SMAD6: variants seen among roughly 807,000 people sequenced by gnomAD.
SMAD6 encodes the protein SMAD family member 6, also known as MAD homolog 6.
In SMAD6, 103 loss-of-function variants were observed where a neutral mutation model predicts 39.4. That is an observed-to-expected ratio of 2.62 (90% CI 2.23 to 3.08). The LOEUF (loss-of-function observed/expected upper bound fraction) is 3.08. SMAD6 is among the 30% of genes most tolerant of loss of function. The pLI is 0.00. For synonymous variants in SMAD6, 445 were observed against 353.3 expected, an observed-to-expected ratio of 1.26 and a Z score of -2.91; for missense variants, 1,104 against 742.9, an observed-to-expected ratio of 1.49 and a Z score of -5.65.
chr15:66,715,167 T>C (rs1893303894), intron 2 of SMAD6, among the ~76,000 whole-genome samples: 1 of 151,962 alleles, frequency 6.6e-6, no homozygotes, highest in Non-Finnish European at 1.5e-5. Context: ...CTTCCTTGCA[T>C]TGTTGCTTTT....
At chr15:66,768,405 C>T (rs1894326645) in intron 3 of SMAD6, among the ~76,000 whole-genome samples, 1 of 152,150 alleles carries the variant, frequency 6.6e-6, no homozygotes, top group South Asian at 2.1e-4. Flanking sequence ...ATAAGAAAAC[C>T]AGCTTCTCCA....
intron 3 of SMAD6, among the ~76,000 whole-genome samples, chr15:66,742,455 G>T (rs1043081762): frequency 6.6e-6 from 1 of 152,058 alleles, no homozygotes; most frequent in Non-Finnish European, 1.5e-5. Context: ...TTCCCAGTGC[G>T]CCTGCCCTGG....
chr15:66,704,191 T>G, intron 1 of SMAD6, 116 bp downstream of exon 1: 1 of 857,420 alleles, frequency 1.2e-6, no homozygotes, highest in Non-Finnish European at 1.6e-6. Context: ...CCGGGTGCCC[T>G]TGGAGCGTGG....
At chr15:66,751,860 TCA>T (rs1894011977) in intron 3 of SMAD6, among the ~76,000 whole-genome samples, 1 of 152,208 alleles carries the variant, frequency 6.6e-6, no homozygotes, top group African/African-American at 2.4e-5. Flanking sequence ...GGAAACAGTC[TCA>T]GAGACACCAG....
chr15:66,763,981 C>T (rs947558078), intron 3 of SMAD6, among the ~76,000 whole-genome samples: 3 of 152,240 alleles, frequency 2.0e-5, no homozygotes, highest in African/African-American at 4.8e-5. Flanking sequence ...TGAGGCGCCT[C>T]GGCCATCCAC....
In SMAD6 at chr15:66,781,060, A is replaced by C. The variant is rs142278375; in HGVS notation, c.1016A>C (p.His339Pro). 1 of 1,603,436 alleles carries C rather than the reference A, an allele frequency of 6.2e-7. No homozygotes were observed. The highest frequency in any genetic ancestry group is 8.5e-7 in the Non-Finnish European group (1 of 1,178,432). The change falls in exon 4 of 4, where the codon CAC (histidine) becomes CCC (proline). Residue 339 changes from histidine to proline, a missense_variant. Transcript: ENST00000288840. ...SHWCSVAYWE[H>P]RTRVGRLYAV... is the part of the protein sequence containing the mutation. ...TGGTGCAGCGTGGCGTACTGGGAGC[A>C]CCGGACGCGCGTGGGCCGCCTCTAT...
At chr15:66,713,639 C>T (rs1229679318) in intron 2 of SMAD6, among the ~76,000 whole-genome samples, 2 of 152,162 alleles carry the variant, frequency 1.3e-5, no homozygotes, top group Non-Finnish European at 2.9e-5. Flanking sequence ...TTCTTAGTGT[C>T]GTAGACACTC....
intron 3 of SMAD6, among the ~76,000 whole-genome samples, chr15:66,750,473 G>A (rs1323480767): frequency 6.6e-6 from 1 of 152,202 alleles, no homozygotes; most frequent in African/African-American, 2.4e-5. Context: ...TGTACCTGGT[G>A]TGGGGTACAA....
intron 3 of SMAD6, among the ~76,000 whole-genome samples, chr15:66,752,987 C>T (rs1344046160): frequency 6.6e-6 from 1 of 152,166 alleles, no homozygotes; most frequent in Non-Finnish European, 1.5e-5. Flanking sequence ...TAAAGGCATA[C>T]ATGTGCTGCA....
intron 3 of SMAD6, among the ~76,000 whole-genome samples, chr15:66,731,404 C>T (rs896820378): frequency 1.6e-4 from 23 of 146,666 alleles, no homozygotes; most frequent in African/African-American, 5.4e-4. Flanking sequence ...CGCCACTGCA[C>T]TCCAGCCTGG....
At chr15:66,725,792 T>G (rs908318542) in intron 3 of SMAD6, among the ~76,000 whole-genome samples, 2 of 151,672 alleles carry the variant, frequency 1.3e-5, no homozygotes, top group African/African-American at 4.9e-5. Flanking sequence ...GGGGTTGGAG[T>G]GGGTACAGCT....
At chr15:66,753,112 G>C (rs1894036169) in intron 3 of SMAD6, among the ~76,000 whole-genome samples, 1 of 152,216 alleles carries the variant, frequency 6.6e-6, no homozygotes, top group South Asian at 2.1e-4. Context: ...GAGGAGGCTT[G>C]TTTGGGGTCT....
chr15:66,780,506 T>TA (rs1894539193), intron 3 of SMAD6, among the ~76,000 whole-genome samples: 1 of 152,186 alleles, frequency 6.6e-6, no homozygotes, highest in Non-Finnish European at 1.5e-5. Flanking sequence ...TGCCCTCCTC[T>TA]GTAGAACGAG....
chr15:66,749,552 A>ACAT (rs1893964121), intron 3 of SMAD6, among the ~76,000 whole-genome samples: 1 of 152,180 alleles, frequency 6.6e-6, no homozygotes, highest in Non-Finnish European at 1.5e-5. Flanking sequence ...GGAAGGTTGG[A>ACAT]GGCTGCAGTG....
At position 66,703,988 on chromosome 15, in the gene SMAD6, C is replaced by T. The variant is rs1042398681; in HGVS notation, c.730C>T (p.Leu244=). 13 of 1,482,914 alleles carry T rather than the reference C, an allele frequency of 8.8e-6. No individual in the cohort carries two copies. Among genetic ancestry groups the T allele is most frequent in the East Asian group, 5.9e-5 (2 of 34,012 alleles). 91.9% of individuals were successfully genotyped at this position (1,482,914 alleles called of 1,614,324 possible). The stretch of plus-strand genomic sequence containing the variant: ...GCAGCACGCCGTGGAGCTGAAGCCC[C>T]TGTGCGGCTGCCACAGCTTCGCCGC... ...DLQHAVELKP[L]CGCHSFAAAA... is the part of the protein sequence containing the mutation. The change falls in exon 1 of 4, where the codon CTG becomes TTG. Residue 244 remains leucine (L), a synonymous_variant. Transcript: ENST00000288840.
At position 66,703,256 on chromosome 15, in the gene SMAD6, C is replaced by T. The variant is rs776944229; in HGVS notation, c.-3C>T. The stretch of plus-strand genomic sequence containing the variant: ...CCCCACCCCTGGCGCCAAAGGATAT[C>T]GTATGTTCAGGTCCAAACGCTCGGG... On this transcript the variant is annotated 5_prime_UTR_variant, in exon 1 of 4. Transcript: ENST00000288840. 34 of 1,448,686 alleles carry T rather than the reference C, an allele frequency of 2.3e-5. No homozygotes were observed. The highest frequency in any genetic ancestry group is 2.8e-5 in the Non-Finnish European group (31 of 1,098,676). 89.7% of individuals were successfully genotyped at this position (1,448,686 alleles called of 1,614,324 possible). A position where few individuals can be genotyped will look rare whatever the true frequency, so the allele number is the denominator to read the frequency against.
Position 66,750,034 on chromosome 15 carries a change from C to T in SMAD6, c.953-30963C>T, listed in dbSNP as rs150758789. Among the ~76,000 whole-genome samples, 4 of 152,346 alleles carry T rather than the reference C, an allele frequency of 2.6e-5. 1 individual carries two copies. Among genetic ancestry groups the T allele is most frequent in the African/African-American group, 2.4e-5 (1 of 41,574 alleles). On this transcript the variant is annotated intron_variant, in intron 3 of 3. Transcript: ENST00000288840. ...GGGAAGCACACACAGCCCTCACACA[C>T]GTGTTCTTTCCTCAGAGATTAACCA...
intron 1 of SMAD6, chr15:66,707,345 A>T (rs1385509224): frequency 6.6e-6 from 1 of 152,106 alleles, no homozygotes; most frequent in African/African-American, 2.4e-5. Flanking sequence ...GAAGAGAGAC[A>T]GAGCGAGAGA....
chr15:66,764,337 T>G (rs1208561610), intron 3 of SMAD6, among the ~76,000 whole-genome samples: 1 of 152,154 alleles, frequency 6.6e-6, no homozygotes, highest in Non-Finnish European at 1.5e-5. Context: ...TCGGAATTAT[T>G]ACAAACTCTG....
Sources: allele counts gnomAD v4.1 joint callset (sites outside exome capture counted in the v4.1 genomes callset), GRCh38; gene constraint gnomAD v4.1.1; transcripts MANE v1.5; gene names NCBI Gene and HGNC (gene_info 2026-07-23, HGNC 2026-07-21).